LRRC40: variants seen among roughly 807,000 people sequenced by gnomAD.
LRRC40 encodes leucine-rich repeat-containing protein 40.
In LRRC40, 76 loss-of-function variants were observed where a neutral mutation model predicts 72.8. That is an observed-to-expected ratio of 1.04 (90% CI 0.87 to 1.26). The LOEUF is 1.26. Among genes scored for constraint, LRRC40 ranks in the 50% most tolerant of loss-of-function variants. The pLI is 0.00. For synonymous variants in LRRC40, 243 were observed against 254.2 expected, an observed-to-expected ratio of 0.96 and a Z score of 0.42; for missense variants, 684 against 698.9, an observed-to-expected ratio of 0.98 and a Z score of 0.24.
intron 1 of LRRC40, among the ~76,000 whole-genome samples, chr1:70,192,645 C>T (rs1165468587): frequency 2.0e-5 from 3 of 152,006 alleles, no homozygotes; most frequent in Non-Finnish European, 4.4e-5. Flanking sequence ...TGAAAAAGAA[C>T]AAGATCATGC....
At chr1:70,174,717 C>G (rs1012611395) in intron 7 of LRRC40, among the ~76,000 whole-genome samples, 1 of 151,982 alleles carries the variant, frequency 6.6e-6, no homozygotes, top group Admixed American at 6.6e-5. Flanking sequence ...ATGTGACATT[C>G]TAAAAAGGAC....
At chr1:70,157,790 T>C (rs1667672032) in intron 10 of LRRC40, among the ~76,000 whole-genome samples, 1 of 152,048 alleles carries the variant, frequency 6.6e-6, no homozygotes. Flanking sequence ...AATAAATGGG[T>C]ATATTATTTG....
intron 6 of LRRC40, among the ~76,000 whole-genome samples, chr1:70,177,330 C>T (rs1002502814): frequency 6.6e-6 from 1 of 152,074 alleles, no homozygotes; most frequent in Non-Finnish European, 1.5e-5. Context: ...ATCATAACTA[C>T]ATAAAATTAA....
In LRRC40 at chr1:70,151,295, AT is replaced by A. The variant is rs1667482437; in HGVS notation, c.1440-91del. 4.4e-6 allele frequency: 3 copies of A among 675,072 alleles called. No individual in the cohort carries two copies. The South Asian group carries it at 5.1e-5, about 12-fold the overall frequency. The allele number at this position is 675,072 out of a possible 1,614,324, so 41.8% of individuals were successfully genotyped here. The stretch of plus-strand genomic sequence containing the variant: ...TTAAAATATTGAGCAGGAAAAAAAA[AT>A]ATGTAGATCAGTTTGTCAATCCTTG... On this transcript the variant is annotated intron_variant, in intron 12 of 14. Coordinates refer to ENST00000370952, the MANE Select transcript of LRRC40 (RefSeq NM_017768.5).
Position 70,145,248 on chromosome 1 carries a change from G to A in LRRC40, c.*552C>T, listed in dbSNP as rs902206091. ...TATATTTTTGTTTCCTTTTTCTTTTGACATGTGGCCCAAGATAAGAAGGTC... is the reference window on the plus strand; with the variant it reads ...TATATTTTTGTTTCCTTTTTCTTTTAACATGTGGCCCAAGATAAGAAGGTC... On this transcript the variant is annotated 3_prime_UTR_variant, in exon 15 of 15. Coordinates refer to ENST00000370952, the MANE Select transcript of LRRC40 (RefSeq NM_017768.5). 9 of 151,848 alleles carry A rather than the reference G, an allele frequency of 5.9e-5. No individual in the cohort carries two copies. The highest frequency in any genetic ancestry group is 1.3e-4 in the Non-Finnish European group (9 of 67,910). 9.4% of individuals were successfully genotyped at this position (151,848 alleles called of 1,614,324 possible). A position where few individuals can be genotyped will look rare whatever the true frequency, so the allele number is the denominator to read the frequency against.
At chr1:70,171,209 C>G (rs1667992926) in intron 9 of LRRC40, among the ~76,000 whole-genome samples, 1 of 151,726 alleles carries the variant, frequency 6.6e-6, no homozygotes, top group Admixed American at 6.6e-5. Flanking sequence ...TAATTCAAAA[C>G]TGATCAAAGA....
chr1:70,151,440 T>C (rs1388468890), intron 12 of LRRC40, among the ~76,000 whole-genome samples: 1 of 152,142 alleles, frequency 6.6e-6, no homozygotes, highest in Non-Finnish European at 1.5e-5. Flanking sequence ...ATGCAATGAA[T>C]TCTTTACAGG....
chr1:70,185,977 T>C (rs1482668043), intron 3 of LRRC40, among the ~76,000 whole-genome samples: 3 of 152,102 alleles, frequency 2.0e-5, no homozygotes, highest in Non-Finnish European at 4.4e-5. Flanking sequence ...AAATGGGAAA[T>C]ACAAGGTGCT....
At chr1:70,205,368 G>A (rs1182124438) in intron 1 of LRRC40, 22 bp downstream of exon 1, 1 of 1,557,472 alleles carries the variant, frequency 6.4e-7, no homozygotes, top group Admixed American at 1.7e-5. Flanking sequence ...AGACACAATA[G>A]GGTCGTACCT....
At chr1:70,159,523 C>A in intron 9 of LRRC40, 85 bp from the exon 10 acceptor site, 1 of 549,274 alleles carries the variant, frequency 1.8e-6, no homozygotes, top group South Asian at 3.5e-5. Context: ...AAACAGTGTA[C>A]GTGATTTCTA....
chr1:70,148,613 C>G lies in LRRC40; in HGVS notation c.1577G>C (p.Ser526Thr), dbSNP rs769998185. Residue 526 changes from serine to threonine, a missense_variant, in exon 14 of 15, where the codon AGT (serine) becomes ACT (threonine). Coordinates refer to ENST00000370952, the MANE Select transcript of LRRC40 (RefSeq NM_017768.5). ...GTCCACAGATCCAACCTGATTATTA[C>G]TAATCAGAATTGTTTCAAGTGTGAA... is the stretch of plus-strand genomic sequence containing the variant. ...RIFTLETILI[S>T]NNQVGSVDPQ... 2 of 1,611,444 alleles carry G rather than the reference C, an allele frequency of 1.2e-6. No individual in the cohort carries two copies. Among genetic ancestry groups the G allele is most frequent in the Non-Finnish European group, 1.7e-6 (2 of 1,177,770 alleles).
intron 6 of LRRC40, among the ~76,000 whole-genome samples, chr1:70,177,288 T>G (rs764004516): frequency 1.3e-5 from 2 of 151,900 alleles, no homozygotes; most frequent in Non-Finnish European, 1.5e-5. Context: ...AAAAAATAAA[T>G]AAATCAAAGA....
chr1:70,187,590 C>T (rs771724029), intron 2 of LRRC40, among the ~76,000 whole-genome samples: 12 of 150,656 alleles, frequency 8.0e-5, no homozygotes, highest in Non-Finnish European at 1.0e-4. Context: ...TTTGGGAGGC[C>T]GAAGAAGGCA....
intron 7 of LRRC40, among the ~76,000 whole-genome samples, chr1:70,175,434 T>C (rs1668081144): frequency 6.6e-6 from 1 of 152,174 alleles, no homozygotes; most frequent in Non-Finnish European, 1.5e-5. Flanking sequence ...GTTTCTCAAA[T>C]GATTCTAAAA....
At chr1:70,202,780 A>G (rs551947426) in intron 1 of LRRC40, among the ~76,000 whole-genome samples, 1 of 152,340 alleles carries the variant, frequency 6.6e-6, no homozygotes, top group African/African-American at 2.4e-5. Flanking sequence ...TCTAAGCTGG[A>G]GACAGAGGGT....
chr1:70,203,111 T>G (rs954485580), intron 1 of LRRC40, among the ~76,000 whole-genome samples: 6 of 152,166 alleles, frequency 3.9e-5, no homozygotes, highest in Admixed American at 1.3e-4. Flanking sequence ...AGGCTGGTCT[T>G]GAATTTCTGG....
chr1:70,155,715 C>G lies in LRRC40; in HGVS notation c.1302G>C (p.Lys434Asn). The stretch of plus-strand genomic sequence containing the variant: ...TTTTTGGAATTTCACATAGTTGATT[C>G]TTACTGAAGTTAATAGAAGTGACGA... ...SNIVTSINFS[K>N]NQLCEIPKRM... Residue 434 changes from lysine (K) to asparagine (N), a missense_variant, in exon 11 of 15, where the codon AAG (lysine) becomes AAC (asparagine). Coordinates refer to ENST00000370952, the MANE Select transcript of LRRC40 (RefSeq NM_017768.5). The G allele has an allele frequency of 1.3e-6, 2 of 1,560,770 alleles. No homozygotes were observed. Among genetic ancestry groups the G allele is most frequent in the Non-Finnish European group, 1.7e-6 (2 of 1,144,432 alleles).
chr1:70,201,273 A>G (rs908292304), intron 1 of LRRC40, among the ~76,000 whole-genome samples: 5 of 152,214 alleles, frequency 3.3e-5, no homozygotes, highest in African/African-American at 1.2e-4. Context: ...TTAGATTAAC[A>G]TATACTAAAA....
At chr1:70,163,149 C>G (rs1380798780) in intron 9 of LRRC40, among the ~76,000 whole-genome samples, 1 of 150,902 alleles carries the variant, frequency 6.6e-6, no homozygotes, top group Non-Finnish European at 1.5e-5. Context: ...CATCTTGGCT[C>G]ACTGCAACCT....
Sources: allele counts gnomAD v4.1 joint callset (sites outside exome capture counted in the v4.1 genomes callset), GRCh38; gene constraint gnomAD v4.1.1; transcripts MANE v1.5; gene names NCBI Gene and HGNC (gene_info 2026-07-23, HGNC 2026-07-21).